The following ASIC2 variants were observed in gnomAD, a reference collection of about 807,000 sequenced individuals.
The protein encoded by ASIC2 is acid-sensing ion channel 2.
A neutral mutation model predicts 57.3 loss-of-function variants in ASIC2; 25 were observed. The observed-to-expected ratio is 0.44, with a 90% CI of 0.32 to 0.61. The LOEUF (loss-of-function observed/expected upper bound fraction) is 0.61, where lower values mean the gene tolerates loss of function less well. ASIC2 is among the 20% of genes least tolerant of loss of function. The pLI, the probability that ASIC2 is intolerant of heterozygous loss-of-function variation, is 0.06. For synonymous variants in ASIC2, 319 were observed against 307.5 expected (o/e 1.04, Z -0.39); for missense variants, 641 against 738.1 (o/e 0.87, Z 1.52).
At chr17:33,743,819 A>G (rs1910178924) in intron 1 of ASIC2, among the ~76,000 whole-genome samples, 1 of 152,158 alleles carries the variant, frequency 6.6e-6, no homozygotes. Flanking sequence ...ATACTCACGT[A>G]ATCCAATTAT....
At chr17:33,537,982 A>G (rs1462871920) in intron 1 of ASIC2, among the ~76,000 whole-genome samples, 1 of 152,134 alleles carries the variant, frequency 6.6e-6, no homozygotes, top group East Asian at 1.9e-4. Context: ...AAGTTACTTA[A>G]CCTCTCTGAT....
intron 1 of ASIC2, chr17:33,935,691 C>T (rs1378343962): frequency 2.0e-5 from 3 of 152,150 alleles, no homozygotes; most frequent in Non-Finnish European, 4.4e-5. Context: ...ATAAATCCCT[C>T]TCCTGGGGTC....
At chr17:34,086,831 A>C (rs1458392736) in intron 1 of ASIC2, among the ~76,000 whole-genome samples, 2 of 152,014 alleles carry the variant, frequency 1.3e-5, no homozygotes, top group African/African-American at 4.8e-5. Flanking sequence ...GTTGGTTTAA[A>C]GTCTGTTTTA....
rs374580723 is a variant in ASIC2 at position 34,055,466 on chromosome 17, C to T, written c.555+100512G>A. Among the ~76,000 whole-genome samples the T allele has an allele frequency of 1.2e-4, 18 of 152,086 alleles. 1 individual carries two copies. Among genetic ancestry groups the T allele is most frequent in the Middle Eastern group, 3.4e-3 (1 of 294 alleles). ...TTACTTACAATAAAATGTACAAATCCTAATTTTGACAAATGAAACTCCGAT... is the reference window on the plus strand; with the variant it reads ...TTACTTACAATAAAATGTACAAATCTTAATTTTGACAAATGAAACTCCGAT... On this transcript the variant is annotated intron_variant, in intron 1 of 9. Transcript: ENST00000359872.
intron 1 of ASIC2, among the ~76,000 whole-genome samples, chr17:33,877,587 G>A (rs1914582955): frequency 6.6e-6 from 1 of 152,236 alleles, no homozygotes; most frequent in Non-Finnish European, 1.5e-5. Context: ...GCCCAGGCTT[G>A]AGTAGGTAAA....
At chr17:33,716,246 A>T (rs969274101) in intron 1 of ASIC2, among the ~76,000 whole-genome samples, 2 of 152,198 alleles carry the variant, frequency 1.3e-5, no homozygotes, top group African/African-American at 4.8e-5. Context: ...AACAAATCTG[A>T]TCATGTCCCT....
chr17:33,090,876 G>A (rs1474283903), intron 2 of ASIC2, among the ~76,000 whole-genome samples: 5 of 152,208 alleles, frequency 3.3e-5, no homozygotes, highest in African/African-American at 9.6e-5. Flanking sequence ...TCATCATTTA[G>A]ACAAGGAGAC....
rs1333573568 is a variant in ASIC2 at position 33,850,822 on chromosome 17, C to G, written c.555+305156G>C. ...TTAGGTCATTCGGTCACTTAATTTC[C>G]TGGCATTTGGGGCTTGCAGTATCTC... On this transcript the variant is annotated intron_variant, in intron 1 of 9. Transcript: ENST00000359872. Among the ~76,000 whole-genome samples, 3 of 151,636 alleles carry G rather than the reference C, an allele frequency of 2.0e-5. No homozygotes were observed. In the South Asian group the frequency reaches 6.3e-4, roughly 32 times the overall value.
At chr17:33,206,332 T>A (rs191695171) in intron 1 of ASIC2, among the ~76,000 whole-genome samples, 279 of 152,236 alleles carry the variant, frequency 1.8e-3, no homozygotes, top group Non-Finnish European at 2.3e-3. Context: ...CACCACTTGT[T>A]GGCTGCTCTG....
At chr17:33,597,188 C>A (rs1905006806) in intron 1 of ASIC2, among the ~76,000 whole-genome samples, 2 of 152,242 alleles carry the variant, frequency 1.3e-5, no homozygotes, top group Admixed American at 6.5e-5. Flanking sequence ...AAAACCACTG[C>A]AGACATGTTT....
At chr17:33,979,061 G>A (rs2142002915) in intron 1 of ASIC2, among the ~76,000 whole-genome samples, 1 of 152,232 alleles carries the variant, frequency 6.6e-6, no homozygotes, top group Non-Finnish European at 1.5e-5. Context: ...GCTGGTTCCA[G>A]GGCCTTGGTC....
In ASIC2 at chr17:33,212,800, C is replaced by A. The variant is rs74541606; in HGVS notation, c.708+78608G>T. 9.9e-3 allele frequency among the ~76,000 whole-genome samples: 1,513 copies of A among 152,228 alleles called. 62 individuals are homozygous for A. In the East Asian group the frequency reaches 0.13, roughly 13 times the overall value. On this transcript the variant is annotated intron_variant, in intron 1 of 9. Transcript: ENST00000225823. ...TAGCCACATTGACTTCAATTTGAAC[C>A]AATGCATTCTATAATTAGGACAAGC... is the stretch of plus-strand genomic sequence containing the variant.
At chr17:33,665,270 A>G (rs757621139) in intron 1 of ASIC2, among the ~76,000 whole-genome samples, 1 of 152,200 alleles carries the variant, frequency 6.6e-6, no homozygotes, top group Non-Finnish European at 1.5e-5. Flanking sequence ...CAATTTATGC[A>G]TAAATGCATA....
chr17:34,031,987 A>G (rs1312783793), intron 1 of ASIC2, among the ~76,000 whole-genome samples: 1 of 152,188 alleles, frequency 6.6e-6, no homozygotes, highest in Non-Finnish European at 1.5e-5. Flanking sequence ...GCAGACCAAC[A>G]TTCAAATTCA....
At chr17:33,079,761 G>C (rs1033389934) in intron 3 of ASIC2, among the ~76,000 whole-genome samples, 1 of 152,148 alleles carries the variant, frequency 6.6e-6, no homozygotes, top group Non-Finnish European at 1.5e-5. Context: ...TATGCCAACT[G>C]TTCTATGGGT....
intron 1 of ASIC2, among the ~76,000 whole-genome samples, chr17:33,584,167 T>G (rs142586202): frequency 0.01 from 1,531 of 152,346 alleles, 26 homozygotes; most frequent in African/African-American, 0.035. Flanking sequence ...AAACCCCCTC[T>G]ACATCTGTCC....
intron 1 of ASIC2, among the ~76,000 whole-genome samples, chr17:33,614,808 G>C (rs1905539861): frequency 6.6e-6 from 1 of 152,204 alleles, no homozygotes; most frequent in African/African-American, 2.4e-5. Context: ...GTATAACAGA[G>C]TGGTTAATAG....
intron 1 of ASIC2, among the ~76,000 whole-genome samples, chr17:33,454,336 A>G (rs997537824): frequency 2.6e-5 from 4 of 152,208 alleles, no homozygotes; most frequent in Non-Finnish European, 5.9e-5. Context: ...AATAGCCCAG[A>G]GAAGCAGTTA....
At chr17:34,088,363 G>C (rs528654607) in intron 1 of ASIC2, among the ~76,000 whole-genome samples, 4 of 151,946 alleles carry the variant, frequency 2.6e-5, no homozygotes, top group African/African-American at 9.7e-5. Context: ...GCGGTTTTTC[G>C]TGAACGGCGA....
Sources: gnomAD v4.1 joint callset for allele counts (sites outside exome capture counted in the v4.1 genomes callset) on GRCh38, gnomAD v4.1.1 for gene constraint, MANE v1.5 for transcripts, NCBI Gene and HGNC (gene_info 2026-07-23, HGNC 2026-07-21) for gene names.